The following EPS15L1 variants were observed in gnomAD, a reference collection of about 807,000 sequenced individuals.
EPS15L1 encodes epidermal growth factor receptor substrate 15-like 1.
In EPS15L1, 43 loss-of-function variants were observed where a neutral mutation model predicts 117.1. The observed-to-expected ratio is 0.37, with a 90% CI of 0.29 to 0.47. EPS15L1 has a LOEUF of 0.47. EPS15L1 is among the 20% of genes least tolerant of loss of function. The probability of loss-of-function intolerance (pLI) is 0.99; values close to 1 mark genes in which losing one functional copy is unlikely to be tolerated. For missense variants in EPS15L1, 981 were observed against 1,164.0 expected (o/e 0.84, Z 2.29); for synonymous variants, 459 against 470.5 (o/e 0.98, Z 0.32).
At chr19:16,469,525 G>GA (rs901634391) in intron 1 of EPS15L1, among the ~76,000 whole-genome samples, 21 of 150,534 alleles carry the variant, frequency 1.4e-4, no homozygotes, top group Non-Finnish European at 2.2e-4. Flanking sequence ...ATGCTGTTGG[G>GA]AAAAAAAAAT....
intron 16 of EPS15L1, 75 bp from the exon 17 acceptor site, chr19:16,395,542 A>G: frequency 7.0e-7 from 1 of 1,435,652 alleles, no homozygotes; most frequent in South Asian, 1.2e-5. Context: ...TTCCATACTT[A>G]ACTCACATTT....
chr19:16,406,757 G>C (rs1420316195), intron 13 of EPS15L1, among the ~76,000 whole-genome samples: 1 of 152,260 alleles, frequency 6.6e-6, no homozygotes, highest in Non-Finnish European at 1.5e-5. Context: ...TTCATGCACA[G>C]AGCAGAGAAT....
chr19:16,422,971 G>C (rs200835104), intron 9 of EPS15L1, among the ~76,000 whole-genome samples: 1 of 100,552 alleles, frequency 9.9e-6, no homozygotes, highest in Admixed American at 8.9e-5. Context: ...GAAAAAAAAA[G>C]GGGGGGGGGA....
intron 20 of EPS15L1, 27 bp from the exon 21 acceptor site, chr19:16,385,238 G>A: frequency 6.3e-7 from 1 of 1,596,694 alleles, no homozygotes. Flanking sequence ...CAAAGTCAGA[G>A]TTACAGGTCT....
At chr19:16,379,119 C>T (rs1051402912) in intron 21 of EPS15L1, among the ~76,000 whole-genome samples, 17 of 152,042 alleles carry the variant, frequency 1.1e-4, no homozygotes, top group Admixed American at 3.3e-4. Context: ...CCAGCTAATA[C>T]GGTGAAAAAC....
chr19:16,387,128 G>C (rs1012063229), intron 19 of EPS15L1, among the ~76,000 whole-genome samples: 2 of 152,210 alleles, frequency 1.3e-5, no homozygotes, highest in Non-Finnish European at 2.9e-5. Context: ...TAAAATGAGT[G>C]AAAACACAGG....
chr19:16,404,875 G>T lies in EPS15L1; in HGVS notation c.1267-126C>A. 1 of 1,047,154 alleles carries T rather than the reference G, an allele frequency of 9.5e-7. No individual in the cohort carries two copies. The highest frequency in any genetic ancestry group is 1.4e-6 in the Non-Finnish European group (1 of 709,844). 64.9% of individuals were successfully genotyped at this position (1,047,154 alleles called of 1,614,324 possible). A position where few individuals can be genotyped will look rare whatever the true frequency, so the allele number is the denominator to read the frequency against. On this transcript the variant is annotated intron_variant, in intron 13 of 23. Transcript: ENST00000455140. This position sits in a 1 kb window ranked among gnomAD's most constrained non-coding sequence, Gnocchi z 4.2. ...AAACCACCCACTGTGACCGTGCTCAGGGCCAGCATTCCGTGCACACCCACG... is the reference window on the plus strand; with the variant it reads ...AAACCACCCACTGTGACCGTGCTCATGGCCAGCATTCCGTGCACACCCACG...
intron 1 of EPS15L1, among the ~76,000 whole-genome samples, chr19:16,453,952 G>A (rs578063473): frequency 2.6e-5 from 4 of 151,350 alleles, no homozygotes; most frequent in Non-Finnish European, 4.4e-5. Flanking sequence ...CACAAGCTGC[G>A]TCAGGTTTAA....
intron 7 of EPS15L1, among the ~76,000 whole-genome samples, chr19:16,431,881 T>C (rs1161195494): frequency 1.3e-5 from 2 of 152,228 alleles, no homozygotes; most frequent in African/African-American, 2.4e-5. Context: ...CGGTTGACTC[T>C]TGAACAACAT....
intron 16 of EPS15L1, chr19:16,401,523 A>C: frequency 1.0e-6 from 1 of 985,744 alleles, no homozygotes; most frequent in Non-Finnish European, 1.2e-6. Context: ...AAACATCCAG[A>C]CATGCGCGGC....
At chr19:16,376,956 A>G (rs1320083694) in intron 22 of EPS15L1, among the ~76,000 whole-genome samples, 166 bp downstream of exon 22, 1 of 152,138 alleles carries the variant, frequency 6.6e-6, no homozygotes, top group Non-Finnish European at 1.5e-5. Flanking sequence ...CCACGCACAT[A>G]CGGCACTTGC....
intron 1 of EPS15L1, among the ~76,000 whole-genome samples, chr19:16,458,130 G>C (rs951711774): frequency 2.0e-5 from 3 of 152,142 alleles, no homozygotes; most frequent in Non-Finnish European, 4.4e-5. Flanking sequence ...TCCTGACAGT[G>C]GGGGGTGGCT....
intron 1 of EPS15L1, among the ~76,000 whole-genome samples, chr19:16,444,348 G>GCTGC (rs1215080043): frequency 6.6e-6 from 1 of 152,142 alleles, no homozygotes; most frequent in Non-Finnish European, 1.5e-5. Context: ...CCCCAAGATG[G>GCTGC]CTGCCCCCCT....
chr19:16,460,597 T>C (rs939749771), intron 1 of EPS15L1, among the ~76,000 whole-genome samples: 3 of 152,218 alleles, frequency 2.0e-5, no homozygotes, highest in Admixed American at 6.5e-5. Context: ...ACCCTGGTGA[T>C]GGACAACCTT....
chr19:16,400,546 G>A (rs947587876), intron 16 of EPS15L1: 1 of 730,864 alleles, frequency 1.4e-6, no homozygotes, highest in Non-Finnish European at 1.7e-6. Flanking sequence ...CCTCTCTCTC[G>A]GCTCTGAAGC....
chr19:16,394,925 T>C (rs1422258676), intron 17 of EPS15L1, among the ~76,000 whole-genome samples: 1 of 151,976 alleles, frequency 6.6e-6, no homozygotes, highest in Non-Finnish European at 1.5e-5. Context: ...ATAAGAAGCT[T>C]AAAAGGCGTT....
intron 4 of EPS15L1, among the ~76,000 whole-genome samples, chr19:16,439,199 TC>T (rs1461220701): frequency 1.3e-5 from 2 of 152,016 alleles, no homozygotes; most frequent in Non-Finnish European, 2.9e-5. Flanking sequence ...CAGCCTGCTG[TC>T]CTCAGAAGCC....
At chr19:16,400,107 C>T (rs553638216) in intron 16 of EPS15L1, among the ~76,000 whole-genome samples, 4 of 152,196 alleles carry the variant, frequency 2.6e-5, no homozygotes, top group East Asian at 1.9e-4. Context: ...GAGGTCGAGG[C>T]GGGCAGATTG....
rs750910688 is a variant in EPS15L1 at position 16,362,031 on chromosome 19, G to T, written c.2381-47C>A. ...AAAAAGGAGAAAGAAAGAAATATGA[G>T]TTACTCACCCGGACAGAGCAGAATG... On this transcript the variant is annotated intron_variant, in intron 22 of 23. Transcript: ENST00000455140. The T allele has an allele frequency of 1.5e-5, 23 of 1,527,148 alleles. No homozygotes were observed. In the South Asian group the frequency reaches 2.9e-4, roughly 19 times the overall value. The allele number at this position is 1,527,148 out of a possible 1,614,324, so 94.6% of individuals were successfully genotyped here. A position where few individuals can be genotyped will look rare whatever the true frequency, so the allele number is the denominator to read the frequency against.
Sources: allele counts gnomAD v4.1 joint callset (sites outside exome capture counted in the v4.1 genomes callset), GRCh38; gene constraint gnomAD v4.1.1; non-coding constraint Gnocchi (gnomAD v3.1); transcripts MANE v1.5; gene names NCBI Gene and HGNC (gene_info 2026-07-23, HGNC 2026-07-21).